ROBO2: variants seen among roughly 807,000 people sequenced by gnomAD.
The protein encoded by ROBO2 is roundabout guidance receptor 2.
A neutral mutation model predicts 160.8 loss-of-function variants in ROBO2; 53 were observed. The observed-to-expected ratio is 0.33, with a 90% CI of 0.26 to 0.41. The LOEUF is 0.41. Among genes scored for constraint, ROBO2 ranks in the 10% least tolerant of loss-of-function variants. The probability of loss-of-function intolerance (pLI) is 1.00; values close to 1 mark genes in which losing one functional copy is unlikely to be tolerated. For synonymous variants in ROBO2, 664 were observed against 611.7 expected (o/e 1.09, Z -1.26); for missense variants, 1,577 against 1,722.4 (o/e 0.92, Z 1.49).
chr3:77,252,763 G>A lies in ROBO2; in HGVS notation c.388+154423G>A, dbSNP rs1253055185. 1.3e-4 allele frequency among the ~76,000 whole-genome samples: 17 copies of A among 126,188 alleles called. No homozygotes were observed. The South Asian group carries it at 1.8e-3, about 13-fold the overall frequency. The allele number at this position is 126,188 out of a possible 152,430, so 82.8% of individuals were successfully genotyped here. On this transcript the variant is annotated intron_variant, in intron 2 of 25. Transcript: ENST00000461745. ...GCAGAGCTTGCAGTGAGCCGAGATC[G>A]CGCCCCTGCACTCCAGCCTGGGCAG... is the stretch of plus-strand genomic sequence containing the variant.
intron 2 of ROBO2, among the ~76,000 whole-genome samples, chr3:76,034,554 C>A (rs1449844789): frequency 1.3e-5 from 2 of 152,152 alleles, no homozygotes; most frequent in African/African-American, 2.4e-5. Context: ...TAATTAATAA[C>A]CCACATTAGT....
chr3:76,728,244 T>C (rs2093583527), intron 2 of ROBO2, among the ~76,000 whole-genome samples: 1 of 152,158 alleles, frequency 6.6e-6, no homozygotes, highest in African/African-American at 2.4e-5. Flanking sequence ...CCCCTTGTTT[T>C]CCCCTACTAG....
intron 2 of ROBO2, among the ~76,000 whole-genome samples, chr3:77,302,788 A>T (rs555363385): frequency 4.6e-5 from 7 of 152,338 alleles, no homozygotes; most frequent in African/African-American, 1.7e-4. Flanking sequence ...CAACAACAGC[A>T]GCTGGCTATG....
intron 2 of ROBO2, among the ~76,000 whole-genome samples, chr3:77,286,448 G>A (rs921141835): frequency 6.6e-6 from 1 of 151,962 alleles, no homozygotes; most frequent in African/African-American, 2.4e-5. Flanking sequence ...GTAGGATGGG[G>A]TTTCACCATG....
chr3:77,511,082 T>G (rs935480131), intron 5 of ROBO2, among the ~76,000 whole-genome samples: 3 of 151,846 alleles, frequency 2.0e-5, no homozygotes, highest in Non-Finnish European at 4.4e-5. Flanking sequence ...TTAGAGGAGA[T>G]GAAACTCATT....
chr3:76,258,972 A>G (rs749237146), intron 2 of ROBO2, among the ~76,000 whole-genome samples: 12 of 152,182 alleles, frequency 7.9e-5, no homozygotes, highest in South Asian at 2.1e-4. Context: ...CTTGGCCCCA[A>G]TGGTTATCAT....
At chr3:76,684,125 G>A (rs1311401536) in intron 2 of ROBO2, among the ~76,000 whole-genome samples, 1 of 151,802 alleles carries the variant, frequency 6.6e-6, no homozygotes, top group Non-Finnish European at 1.5e-5. Context: ...GGAAAAATGA[G>A]TCTATTGATT....
intron 2 of ROBO2, among the ~76,000 whole-genome samples, chr3:76,615,997 T>C (rs1486191477): frequency 1.3e-5 from 2 of 152,296 alleles, no homozygotes; most frequent in African/African-American, 4.8e-5. Flanking sequence ...TTTTTAAGCA[T>C]TGCAATTTGA....
intron 2 of ROBO2, among the ~76,000 whole-genome samples, chr3:77,345,242 G>A (rs1429262970): frequency 6.6e-6 from 1 of 152,152 alleles, no homozygotes; most frequent in Non-Finnish European, 1.5e-5. Flanking sequence ...GCTCCTCCCT[G>A]CTGGGTGTCC....
At chr3:76,706,788 T>C (rs1262049241) in intron 2 of ROBO2, among the ~76,000 whole-genome samples, 1 of 152,068 alleles carries the variant, frequency 6.6e-6, no homozygotes, top group African/African-American at 2.4e-5. Flanking sequence ...TTGCAACATA[T>C]TGGAATTGTG....
intron 2 of ROBO2, among the ~76,000 whole-genome samples, chr3:76,754,122 G>A (rs1018353233): frequency 4.0e-5 from 6 of 151,778 alleles, no homozygotes; most frequent in Non-Finnish European, 5.9e-5. Flanking sequence ...TAGCAGGAAG[G>A]AGAAAGAAAA....
intron 2 of ROBO2, among the ~76,000 whole-genome samples, chr3:76,831,319 T>C (rs914565417): frequency 4.6e-5 from 7 of 152,192 alleles, no homozygotes; most frequent in Admixed American, 1.3e-4. Context: ...TTTTGTAATA[T>C]GGTAAGTCCC....
chr3:76,425,779 G>C (rs982349238), intron 2 of ROBO2, among the ~76,000 whole-genome samples: 2 of 151,820 alleles, frequency 1.3e-5, no homozygotes, highest in African/African-American at 2.4e-5. Context: ...TCAGAACAAA[G>C]TTTCCCTCAC....
chr3:76,159,611 A>G (rs539538995), intron 2 of ROBO2, among the ~76,000 whole-genome samples: 5 of 152,148 alleles, frequency 3.3e-5, no homozygotes, highest in Non-Finnish European at 7.3e-5. Flanking sequence ...TCCACAATAA[A>G]CATATGAACA....
chr3:76,822,892 T>C (rs1378062852), intron 2 of ROBO2, among the ~76,000 whole-genome samples: 1 of 152,020 alleles, frequency 6.6e-6, no homozygotes, highest in Non-Finnish European at 1.5e-5. Context: ...TCCTCCAAAG[T>C]GCAACGGTAT....
chr3:76,605,372 C>T (rs1048419438), intron 2 of ROBO2, among the ~76,000 whole-genome samples: 2 of 144,948 alleles, frequency 1.4e-5, no homozygotes, highest in Non-Finnish European at 3.1e-5. Context: ...TTTATAGCTT[C>T]TCCAACTGTA....
intron 2 of ROBO2, among the ~76,000 whole-genome samples, chr3:77,444,942 G>A (rs954950145): frequency 3.3e-5 from 5 of 152,170 alleles, no homozygotes; most frequent in South Asian, 2.1e-4. Context: ...GATGGGATAC[G>A]TGTCTACAAT....
At chr3:77,431,738 A>C (rs2078794752) in intron 2 of ROBO2, among the ~76,000 whole-genome samples, 1 of 152,192 alleles carries the variant, frequency 6.6e-6, no homozygotes, top group Admixed American at 6.6e-5. Context: ...GAAAAGGGGC[A>C]GACTGGTTGA....
At chr3:77,561,498 A>G (rs148761386) in intron 9 of ROBO2, among the ~76,000 whole-genome samples, 221 of 152,258 alleles carry the variant, frequency 1.5e-3, no homozygotes, top group African/African-American at 5.2e-3. Flanking sequence ...AAATATAATC[A>G]CAGAATCTTC....
Sources: allele counts gnomAD v4.1 joint callset (sites outside exome capture counted in the v4.1 genomes callset), GRCh38; gene constraint gnomAD v4.1.1; transcripts MANE v1.5; gene names NCBI Gene and HGNC (gene_info 2026-07-23, HGNC 2026-07-21).